Variants in IL1R1 observed in about 807,000 individuals in gnomAD.
The protein encoded by IL1R1 is interleukin 1 receptor type 1.
Under a neutral mutation model 50.2 loss-of-function variants are expected in IL1R1, and 22 were observed. The observed-to-expected ratio is 0.44, with a 90% CI of 0.31 to 0.63. IL1R1 has a LOEUF of 0.63. Ranked by LOEUF, IL1R1 falls within the 20% of genes least tolerant of loss-of-function variation. The pLI is 0.07. For synonymous variants in IL1R1, 251 were observed against 236.7 expected (o/e 1.06, Z -0.55); for missense variants, 509 against 676.2 (o/e 0.75, Z 2.74).
chr2:102,160,194 A>G (rs1251496002), intron 3 of IL1R1, among the ~76,000 whole-genome samples: 3 of 152,172 alleles, frequency 2.0e-5, no homozygotes, highest in Non-Finnish European at 4.4e-5. Flanking sequence ...TATTAAATTT[A>G]TTGGCATAAC....
In IL1R1 at chr2:102,089,992, C is replaced by T. The variant is rs145513541; in HGVS notation, c.-84+19459C>T. ...GGGACTACAGGTGCCCGCCACCACACCCGGCTAATTTTTTTGTATTTTTAG... is the reference window on the plus strand; with the variant it reads ...GGGACTACAGGTGCCCGCCACCACATCCGGCTAATTTTTTTGTATTTTTAG... On this transcript the variant is annotated intron_variant, in intron 1 of 11. Coordinates refer to the IL1R1 transcript ENST00000409929. Among the ~76,000 whole-genome samples the T allele has an allele frequency of 6.6e-3, 1,005 of 151,846 alleles. 13 individuals carry two copies. Among genetic ancestry groups the T allele is most frequent in the African/African-American group, 0.022 (897 of 41,402 alleles).
intron 1 of IL1R1, among the ~76,000 whole-genome samples, chr2:102,105,868 A>G (rs1256944527): frequency 6.6e-6 from 1 of 152,152 alleles, no homozygotes; most frequent in Non-Finnish European, 1.5e-5. Context: ...CTCAGAGGGG[A>G]TTATAAACAT....
At chr2:102,072,262 C>CA (rs1203487362) in intron 1 of IL1R1, among the ~76,000 whole-genome samples, 5,009 of 78,350 alleles carry the variant, frequency 0.064, 185 homozygotes, top group African/African-American at 0.16. Flanking sequence ...TCTGTGTCAC[C>CA]AAAAAAAAAA....
At position 102,176,928 on chromosome 2, in the gene IL1R1, G is replaced by A; in HGVS notation, c.*169G>A. ...AAGGGAATAAGCCATGACGTCAATAGCAGCCCAGGGCACTTCAGAGTAGAG... is the reference window on the plus strand; with the variant it reads ...AAGGGAATAAGCCATGACGTCAATAACAGCCCAGGGCACTTCAGAGTAGAG... On this transcript the variant is annotated 3_prime_UTR_variant, in exon 12 of 12. Transcript: ENST00000410023. 1.5e-6 allele frequency: 1 copy of A among 653,528 alleles called. No homozygotes were observed. Among genetic ancestry groups the A allele is most frequent in the Non-Finnish European group, 2.6e-6 (1 of 384,246 alleles). The allele number at this position is 653,528 out of a possible 1,614,324, so 40.5% of individuals were successfully genotyped here.
chr2:102,118,769 G>A (rs904595475), intron 1 of IL1R1, among the ~76,000 whole-genome samples: 5 of 152,132 alleles, frequency 3.3e-5, no homozygotes, highest in African/African-American at 1.2e-4. Context: ...TGTAATCCCA[G>A]CACTTTGGGA....
At chr2:102,154,105 G>A (rs547290705) in intron 2 of IL1R1, 88 bp downstream of exon 2, 2 of 152,414 alleles carry the variant, frequency 1.3e-5, no homozygotes, top group East Asian at 3.8e-4. Context: ...CAGGGGCCCT[G>A]GACTATCTCC....
chr2:102,075,677 C>T (rs890897521), intron 1 of IL1R1, among the ~76,000 whole-genome samples: 7 of 152,318 alleles, frequency 4.6e-5, no homozygotes, highest in Non-Finnish European at 7.4e-5. Flanking sequence ...GCCTACTGCA[C>T]TTCCTAGAAA....
intron 1 of IL1R1, among the ~76,000 whole-genome samples, chr2:102,116,739 C>A (rs188069369): frequency 6.6e-6 from 1 of 152,164 alleles, no homozygotes; most frequent in African/African-American, 2.4e-5. Context: ...GTCATCCACC[C>A]GTGCTGAAAA....
rs138385264 is a variant in IL1R1 at position 102,177,256 on chromosome 2, C to A, written c.*497C>A. On this transcript the variant is annotated 3_prime_UTR_variant, in exon 12 of 12. Transcript: ENST00000410023. ...ACTCTAGCCTGGCAACAGAGCAAGA[C>A]TCCGTCTCAAAAAAAGGGCAATAAA... 166 of 160,618 alleles carry A rather than the reference C, an allele frequency of 1.0e-3. 2 individuals carry two copies. Among genetic ancestry groups the A allele is most frequent in the African/African-American group, 3.9e-3 (161 of 41,682 alleles). The allele number at this position is 160,618 out of a possible 1,614,324, so 9.9% of individuals were successfully genotyped here.
chr2:102,101,242 C>T (rs1680128202), upstream of IL1R1, among the ~76,000 whole-genome samples: 1 of 152,138 alleles, frequency 6.6e-6, no homozygotes, highest in South Asian at 2.1e-4. Flanking sequence ...TTAGACTATA[C>T]TGTTTTGTTT....
chr2:102,085,721 C>A (rs552019911), intron 1 of IL1R1, among the ~76,000 whole-genome samples: 1 of 152,094 alleles, frequency 6.6e-6, no homozygotes, highest in Non-Finnish European at 1.5e-5. Context: ...ATTTTAAAAT[C>A]ACCTGTCAAT....
chr2:102,169,291 AC>A (rs921497249), intron 7 of IL1R1, among the ~76,000 whole-genome samples: 1 of 152,176 alleles, frequency 6.6e-6, no homozygotes, highest in African/African-American at 2.4e-5. Context: ...TAAAGAAAGA[AC>A]CCCACAAGCA....
chr2:102,126,595 T>C (rs1007670980), intron 1 of IL1R1, among the ~76,000 whole-genome samples: 20 of 152,250 alleles, frequency 1.3e-4, no homozygotes, highest in African/African-American at 4.8e-4. Context: ...GAAAGGTTTT[T>C]TTTTTTTTTT....
At chr2:102,075,241 C>T (rs947408196) in intron 1 of IL1R1, among the ~76,000 whole-genome samples, 2 of 152,130 alleles carry the variant, frequency 1.3e-5, no homozygotes, top group African/African-American at 4.8e-5. Flanking sequence ...CCAATCCAGA[C>T]CAACACTTCT....
At chr2:102,103,571 T>C (rs1343778831), upstream of IL1R1, among the ~76,000 whole-genome samples, 2 of 152,170 alleles carry the variant, frequency 1.3e-5, no homozygotes, top group Non-Finnish European at 2.9e-5. Flanking sequence ...AGACCTTGAA[T>C]GCTAGAATTG....
At chr2:102,161,948 C>T (rs143203507) in intron 3 of IL1R1, among the ~76,000 whole-genome samples, 592 of 152,134 alleles carry the variant, frequency 3.9e-3, no homozygotes, top group Non-Finnish European at 6.7e-3. Context: ...GTGACTCACC[C>T]GCCTCAGCCT....
chr2:102,154,387 G>A (rs1185011422), intron 2 of IL1R1, among the ~76,000 whole-genome samples: 1 of 152,104 alleles, frequency 6.6e-6, no homozygotes, highest in East Asian at 1.9e-4. Flanking sequence ...CTTTCTGCTC[G>A]AGTCAGTACT....
chr2:102,122,100 G>T (rs1293381970), intron 1 of IL1R1, among the ~76,000 whole-genome samples: 3 of 152,092 alleles, frequency 2.0e-5, no homozygotes, highest in Non-Finnish European at 4.4e-5. Context: ...CCACCTTAAG[G>T]CCATGGACTG....
At chr2:102,174,759 C>A in intron 10 of IL1R1, 29 bp downstream of exon 10, 1 of 1,574,400 alleles carries the variant, frequency 6.4e-7, no homozygotes, top group African/African-American at 1.4e-5. Flanking sequence ...TGCAGTATTT[C>A]TTGTTGGAGA....
Sources: gnomAD v4.1 joint callset for allele counts (sites outside exome capture counted in the v4.1 genomes callset) on GRCh38, gnomAD v4.1.1 for gene constraint, MANE v1.5 for transcripts, NCBI Gene and HGNC (gene_info 2026-07-23, HGNC 2026-07-21) for gene names.